Variants in ARHGEF26 observed in about 807,000 individuals in gnomAD.
The protein encoded by ARHGEF26 is Rho guanine nucleotide exchange factor (GEF) 26.
A neutral mutation model predicts 89.4 loss-of-function variants in ARHGEF26; 59 were observed. The ratio of observed to expected loss-of-function variants is 0.66; its 90% CI spans 0.54 to 0.82. The LOEUF (loss-of-function observed/expected upper bound fraction) is 0.82. Ranked by LOEUF, ARHGEF26 falls within the 40% of genes least tolerant of loss-of-function variation. The pLI is 0.00. For missense variants in ARHGEF26, 1,234 were observed against 1,085.6 expected, an observed-to-expected ratio of 1.14 and a Z score of -1.92; for synonymous variants, 500 against 428.4, an observed-to-expected ratio of 1.17 and a Z score of -2.06.
At chr3:154,216,473 C>T (rs1236537093) in intron 9 of ARHGEF26, among the ~76,000 whole-genome samples, 1 of 139,120 alleles carries the variant, frequency 7.2e-6, no homozygotes, top group Non-Finnish European at 1.5e-5. Context: ...CCCTCTTCAG[C>T]ACTTGTTTTT....
intron 6 of ARHGEF26, among the ~76,000 whole-genome samples, chr3:154,180,522 C>T (rs892375633): frequency 3.8e-5 from 1 of 26,542 alleles, no homozygotes; most frequent in Non-Finnish European, 6.9e-5. Context: ...GTTCATTTCT[C>T]TCCCACATGT....
rs555561238 is a variant in ARHGEF26 at position 154,257,591 on chromosome 3, A to G, written c.*2118A>G. ...ATCATAGCCTTATTTAGCAAGATCA[A>G]TGTTAAAGTGTTGTTATATGGCAAG... On this transcript the variant is annotated 3_prime_UTR_variant, in exon 15 of 15. Coordinates refer to ENST00000465093, the MANE Select transcript of ARHGEF26 (RefSeq NM_015595.4). 6.6e-6 allele frequency: 1 copy of G among 152,358 alleles called. No individual in the cohort carries two copies. Among genetic ancestry groups the G allele is most frequent in the Admixed American group, 6.5e-5 (1 of 15,306 alleles). 9.4% of individuals were successfully genotyped at this position (152,358 alleles called of 1,614,324 possible). A position where few individuals can be genotyped will look rare whatever the true frequency, so the allele number is the denominator to read the frequency against.
chr3:154,210,358 G>T (rs2108230024), intron 9 of ARHGEF26, among the ~76,000 whole-genome samples: 1 of 152,206 alleles, frequency 6.6e-6, no homozygotes, highest in Non-Finnish European at 1.5e-5. Flanking sequence ...TCAGTTAGCA[G>T]GTATTGAATA....
At chr3:154,158,318 C>T (rs1335653368) in intron 6 of ARHGEF26, among the ~76,000 whole-genome samples, 1 of 152,170 alleles carries the variant, frequency 6.6e-6, no homozygotes, top group African/African-American at 2.4e-5. Flanking sequence ...AAGGGTTTGC[C>T]TCTCTTATTA....
At chr3:154,164,029 G>T (rs534981610) in intron 6 of ARHGEF26, among the ~76,000 whole-genome samples, 1 of 152,196 alleles carries the variant, frequency 6.6e-6, no homozygotes, top group South Asian at 2.1e-4. Context: ...TTTGGAAAGT[G>T]CCAACTTAAT....
chr3:154,225,607 C>G (rs956347366), intron 10 of ARHGEF26, among the ~76,000 whole-genome samples: 1 of 152,010 alleles, frequency 6.6e-6, no homozygotes, highest in Non-Finnish European at 1.5e-5. Flanking sequence ...AACATTTTCT[C>G]ATTGAGTTTT....
chr3:154,151,638 A>G (rs899504534), intron 5 of ARHGEF26, among the ~76,000 whole-genome samples: 8 of 152,232 alleles, frequency 5.3e-5, no homozygotes, highest in South Asian at 2.1e-4. Context: ...TTCATGAAAT[A>G]CAACTGAGGC....
At chr3:154,165,960 G>T (rs980392870) in intron 6 of ARHGEF26, among the ~76,000 whole-genome samples, 1 of 152,054 alleles carries the variant, frequency 6.6e-6, no homozygotes, top group Non-Finnish European at 1.5e-5. Flanking sequence ...CTTAAATCAG[G>T]GTCTGGATGT....
At chr3:154,132,262 ATCAC>A (rs1718725612) in intron 4 of ARHGEF26, among the ~76,000 whole-genome samples, 1 of 152,190 alleles carries the variant, frequency 6.6e-6, no homozygotes, top group African/African-American at 2.4e-5. Context: ...CTGTGTACCT[ATCAC>A]TCAGATTGAA....
chr3:154,154,894 C>T (rs1403025325), intron 6 of ARHGEF26, among the ~76,000 whole-genome samples: 1 of 151,586 alleles, frequency 6.6e-6, no homozygotes, highest in Non-Finnish European at 1.5e-5. Flanking sequence ...GTGCTTACAC[C>T]CTGCTATATA....
intron 6 of ARHGEF26, among the ~76,000 whole-genome samples, chr3:154,167,021 C>T (rs1712085168): frequency 6.6e-6 from 1 of 152,146 alleles, no homozygotes; most frequent in Non-Finnish European, 1.5e-5. Context: ...TTAAGAATAA[C>T]ACCGAGTATA....
At chr3:154,148,196 G>A (rs1361336145) in intron 4 of ARHGEF26, among the ~76,000 whole-genome samples, 2 of 152,152 alleles carry the variant, frequency 1.3e-5, no homozygotes, top group East Asian at 1.9e-4. Flanking sequence ...ATGAGGAGCC[G>A]CTTTGTCATA....
At position 154,253,133 on chromosome 3, in the gene ARHGEF26, G is replaced by A. The variant is rs1225221307; in HGVS notation, c.2318G>A (p.Trp773Ter). 7 of 1,614,030 alleles carry A rather than the reference G, an allele frequency of 4.3e-6. No homozygotes were observed. The highest frequency in any genetic ancestry group is 5.1e-6 in the Non-Finnish European group (6 of 1,179,892). ...TGTTTTAGGAGCGAGCGAGCCCGCT[G>A]GATAACTGCCCTGGGACACAGCAGC... Reference protein sequence around the residue: ...GAETQSERARWITALGHSSGK... With the variant: ...GAETQSERAR The change falls in exon 13 of 15, where the codon TGG (tryptophan) becomes TAG (stop). Residue 773 changes from tryptophan (W) to a stop codon, truncating the protein, a stop_gained. Coordinates refer to ENST00000465093, the MANE Select transcript of ARHGEF26 (RefSeq NM_015595.4). LOFTEE classifies it high-confidence loss of function.
intron 5 of ARHGEF26, among the ~76,000 whole-genome samples, chr3:154,152,078 AC>A (rs1720059553): frequency 6.6e-6 from 1 of 152,212 alleles, no homozygotes; most frequent in Non-Finnish European, 1.5e-5. Flanking sequence ...TGTGCCTGCC[AC>A]TGAGAGTCTC....
At chr3:154,155,634 T>A (rs1720293886) in intron 6 of ARHGEF26, among the ~76,000 whole-genome samples, 1 of 152,040 alleles carries the variant, frequency 6.6e-6, no homozygotes, top group South Asian at 2.1e-4. Flanking sequence ...ATTTTAGTTA[T>A]CTTTTATGGA....
chr3:154,168,207 C>T (rs1261271527), intron 6 of ARHGEF26, among the ~76,000 whole-genome samples: 1 of 152,134 alleles, frequency 6.6e-6, no homozygotes, highest in Non-Finnish European at 1.5e-5. Context: ...AAGGCTAGAA[C>T]TCAGGACTTC....
intron 8 of ARHGEF26, among the ~76,000 whole-genome samples, chr3:154,192,659 G>A (rs757960942): frequency 2.0e-4 from 30 of 152,114 alleles, no homozygotes; most frequent in Non-Finnish European, 3.4e-4. Flanking sequence ...TAAGTTATCA[G>A]AATCGAATTT....
At chr3:154,190,583 A>C (rs1382192390) in intron 7 of ARHGEF26, among the ~76,000 whole-genome samples, 3 of 152,202 alleles carry the variant, frequency 2.0e-5, no homozygotes, top group African/African-American at 7.2e-5. Context: ...TTACTTGGTG[A>C]GGTAGGGACC....
At chr3:154,234,789 G>A (rs745957199) in intron 11 of ARHGEF26, among the ~76,000 whole-genome samples, 10 of 151,552 alleles carry the variant, frequency 6.6e-5, no homozygotes, top group South Asian at 2.1e-4. Flanking sequence ...TTTTTGAAGC[G>A]GAGTCTCACT....
Sources: allele counts gnomAD v4.1 joint callset (sites outside exome capture counted in the v4.1 genomes callset), GRCh38; gene constraint gnomAD v4.1.1; transcripts MANE v1.5; gene names NCBI Gene and HGNC (gene_info 2026-07-23, HGNC 2026-07-21).